CCDC148: variants seen among roughly 807,000 people sequenced by gnomAD.
CCDC148 encodes the protein coiled-coil domain-containing protein 148.
In CCDC148, 89 loss-of-function variants were observed where a neutral mutation model predicts 85.7. That is an observed-to-expected ratio of 1.04 (90% confidence interval 0.87 to 1.24). The LOEUF (loss-of-function observed/expected upper bound fraction) is 1.24, where lower values mean the gene tolerates loss of function less well. Ranked by LOEUF, CCDC148 falls within the 50% of genes most tolerant of loss-of-function variation. The pLI is 0.00. For missense variants in CCDC148, 692 were observed against 671.7 expected (o/e 1.03, Z -0.33); for synonymous variants, 230 against 213.9 (o/e 1.08, Z -0.66).
chr2:158,323,455 T>C (rs773752025), intron 7 of CCDC148, among the ~76,000 whole-genome samples: 3 of 152,232 alleles, frequency 2.0e-5, no homozygotes, highest in African/African-American at 7.2e-5. Flanking sequence ...ATACAGCAAC[T>C]TGAAACTTAA....
At chr2:158,360,562 G>T (rs980132313) in intron 1 of CCDC148, among the ~76,000 whole-genome samples, 3 of 152,164 alleles carry the variant, frequency 2.0e-5, no homozygotes, top group Non-Finnish European at 2.9e-5. Flanking sequence ...GCAAACTCTA[G>T]CAGACCTGCA....
chr2:158,449,825 A>G (rs1271108841), intron 1 of CCDC148, among the ~76,000 whole-genome samples: 2 of 152,176 alleles, frequency 1.3e-5, no homozygotes, highest in Admixed American at 6.5e-5. Flanking sequence ...TTTAGAAGGA[A>G]AGCATGGAGT....
At chr2:158,352,628 T>C (rs1402246887) in intron 2 of CCDC148, among the ~76,000 whole-genome samples, 1 of 152,130 alleles carries the variant, frequency 6.6e-6, no homozygotes, top group African/African-American at 2.4e-5. Context: ...ATGGGAAGAA[T>C]GGAACCAAGT....
chr2:158,185,110 T>A (rs1168673580), intron 11 of CCDC148, among the ~76,000 whole-genome samples: 3 of 152,192 alleles, frequency 2.0e-5, no homozygotes, highest in African/African-American at 7.2e-5. Flanking sequence ...AAACTAGAAA[T>A]TCTTGCTTGG....
intron 1 of CCDC148, among the ~76,000 whole-genome samples, chr2:158,441,968 GGATA>G (rs1363159043): frequency 1.3e-5 from 2 of 152,072 alleles, no homozygotes; most frequent in Non-Finnish European, 2.9e-5. Flanking sequence ...TAATCAAAAT[GGATA>G]AATACCCTCT....
At chr2:158,329,901 A>G (rs1291483790) in intron 7 of CCDC148, among the ~76,000 whole-genome samples, 2 of 152,140 alleles carry the variant, frequency 1.3e-5, no homozygotes, top group Non-Finnish European at 2.9e-5. Flanking sequence ...AGCTAAGGAG[A>G]TTTTGGGCTG....
intron 11 of CCDC148, among the ~76,000 whole-genome samples, chr2:158,182,462 T>G (rs2105264954): frequency 6.6e-6 from 1 of 152,232 alleles, no homozygotes; most frequent in South Asian, 2.1e-4. Context: ...CAGGGAGTCA[T>G]TGGTGACCTT....
At chr2:158,322,378 A>G (rs1162440985) in intron 7 of CCDC148, among the ~76,000 whole-genome samples, 1 of 152,158 alleles carries the variant, frequency 6.6e-6, no homozygotes, top group African/African-American at 2.4e-5. Flanking sequence ...GAAGCAGCTC[A>G]GTAACCATTT....
In CCDC148 at chr2:158,406,624, T is replaced by TTTTTTTTTTTGTTTTTTTTG. The variant is rs1686024935; in HGVS notation, c.26-48055_26-48054insCAAAAAAAACAAAAAAAAAA. 3.6e-4 allele frequency among the ~76,000 whole-genome samples: 9 copies of TTTTTTTTTTTGTTTTTTTTG among 24,866 alleles called. No individual in the cohort carries two copies. The South Asian group carries it at 0.021, about 59-fold the overall frequency. The allele number at this position is 24,866 out of a possible 152,430, so 16.3% of individuals were successfully genotyped here. ...AACAGATTAAATTTCTTTTTTTTTT[T>TTTTTTTTTTTGTTTTTTTTG]TTTTTTTTTTTTTTTTGAGACAGTG... On this transcript the variant is annotated intron_variant, in intron 1 of 13. Transcript: ENST00000283233.
At chr2:158,302,131 T>G (rs1408068266) in intron 9 of CCDC148, among the ~76,000 whole-genome samples, 1 of 152,108 alleles carries the variant, frequency 6.6e-6, no homozygotes, top group African/African-American at 2.4e-5. Flanking sequence ...AGGACCGAAC[T>G]TGAACACATA....
At chr2:158,446,313 C>T (rs1406431098) in intron 1 of CCDC148, among the ~76,000 whole-genome samples, 1 of 151,568 alleles carries the variant, frequency 6.6e-6, no homozygotes, top group Non-Finnish European at 1.5e-5. Flanking sequence ...GGTCACACCA[C>T]AGCACTCTAG....
chr2:158,217,336 G>GTGTATATATA (rs59724353), intron 11 of CCDC148, among the ~76,000 whole-genome samples: 1,791 of 137,602 alleles, frequency 0.013, 25 homozygotes, highest in East Asian at 0.045. Flanking sequence ...ATAATTTTGT[G>GTGTATATATA]TATATATATA....
chr2:158,209,660 C>T (rs56191806), intron 11 of CCDC148, among the ~76,000 whole-genome samples: 2,374 of 152,274 alleles, frequency 0.016, 64 homozygotes, highest in African/African-American at 0.049. Context: ...GGCCAATATT[C>T]AACATTCTTA....
At chr2:158,271,216 A>C (rs1356492052) in intron 9 of CCDC148, among the ~76,000 whole-genome samples, 1 of 152,050 alleles carries the variant, frequency 6.6e-6, no homozygotes, top group African/African-American at 2.4e-5. Context: ...TACTTTTCTA[A>C]ATCTCTCAAT....
At chr2:158,372,086 T>C (rs1035927745) in intron 1 of CCDC148, among the ~76,000 whole-genome samples, 4 of 152,038 alleles carry the variant, frequency 2.6e-5, no homozygotes, top group African/African-American at 7.2e-5. Flanking sequence ...TCCATGGGAC[T>C]TCAGAGTCCC....
intron 1 of CCDC148, among the ~76,000 whole-genome samples, chr2:158,432,875 A>T (rs1410316769): frequency 6.6e-6 from 1 of 151,652 alleles, no homozygotes; most frequent in Non-Finnish European, 1.5e-5. Flanking sequence ...GGAGTTCGAC[A>T]CCAGCCTGGC....
At chr2:158,367,691 G>A (rs1409097742) in intron 1 of CCDC148, among the ~76,000 whole-genome samples, 1 of 152,196 alleles carries the variant, frequency 6.6e-6, no homozygotes, top group Admixed American at 6.5e-5. Context: ...AGCCAAATCT[G>A]TCTTCATGAA....
At chr2:158,194,701 C>T (rs903336179) in intron 11 of CCDC148, among the ~76,000 whole-genome samples, 8 of 152,098 alleles carry the variant, frequency 5.3e-5, no homozygotes, top group Admixed American at 4.6e-4. Context: ...CCAGCAACAA[C>T]GAGATAGAAA....
chr2:158,405,874 A>C (rs1329074305), intron 1 of CCDC148, among the ~76,000 whole-genome samples: 2 of 150,810 alleles, frequency 1.3e-5, no homozygotes, highest in African/African-American at 4.9e-5. Context: ...ATTCATGAAT[A>C]TAGGAAAAAT....
Sources: allele counts gnomAD v4.1 joint callset (sites outside exome capture counted in the v4.1 genomes callset), GRCh38; gene constraint gnomAD v4.1.1; transcripts MANE v1.5; gene names NCBI Gene and HGNC (gene_info 2026-07-23, HGNC 2026-07-21).